Variants in SLC25A15 observed in about 807,000 individuals in gnomAD.
The protein encoded by SLC25A15 is solute carrier family 25 member 15.
SLC25A15 carries 24 observed loss-of-function variants against 32.3 expected under a neutral mutation model. The ratio of observed to expected loss-of-function variants is 0.74; its 90% CI spans 0.54 to 1.04. The LOEUF (loss-of-function observed/expected upper bound fraction) is 1.04. Among genes scored for constraint, SLC25A15 ranks in the 50% least tolerant of loss-of-function variants. The pLI is 0.00. For missense variants in SLC25A15, 317 were observed against 374.5 expected, an observed-to-expected ratio of 0.85 and a Z score of 1.27; for synonymous variants, 132 against 142.1, an observed-to-expected ratio of 0.93 and a Z score of 0.51.
At chr13:40,802,720 G>A (rs1164796190) in intron 3 of SLC25A15, among the ~76,000 whole-genome samples, 14 of 151,806 alleles carry the variant, frequency 9.2e-5, no homozygotes, top group Admixed American at 3.3e-4. Context: ...GACTACAGGC[G>A]CCCACCACCA....
chr13:40,805,181 C>CA lies in SLC25A15; in HGVS notation c.379dup (p.Thr127AsnfsTer13), dbSNP rs758438178. Reference sequence around the variant, plus strand: ...CCTTTGCTGCACTGGTGCTCTGCCCCACGGAGCTCGTGAAGTGCCGGCTGC... The same window carrying CA: ...CCTTTGCTGCACTGGTGCTCTGCCCCAACGGAGCTCGTGAAGTGCCGGCTGC... On this transcript the variant is annotated frameshift_variant, in exon 4 of 7. Coordinates refer to ENST00000338625, the MANE Select transcript of SLC25A15 (RefSeq NM_014252.4). LOFTEE classifies it high-confidence loss of function. 1 of 1,614,176 alleles carries CA rather than the reference C, an allele frequency of 6.2e-7. No homozygotes were observed. The highest frequency in any genetic ancestry group is 1.1e-5 in the South Asian group (1 of 91,076).
intron 3 of SLC25A15, among the ~76,000 whole-genome samples, chr13:40,800,587 G>A (rs774579214): frequency 1.3e-5 from 2 of 152,212 alleles, no homozygotes; most frequent in African/African-American, 4.8e-5. Context: ...AAGCAGCCAC[G>A]TGAGATTCTG....
At chr13:40,800,970 C>T (rs576733976) in intron 3 of SLC25A15, among the ~76,000 whole-genome samples, 2 of 152,142 alleles carry the variant, frequency 1.3e-5, no homozygotes, top group Admixed American at 6.5e-5. Flanking sequence ...CAGTGGCTCA[C>T]GCCTGTAGTC....
chr13:40,811,340 T>A lies in SLC25A15; in HGVS notation c.*1673T>A, dbSNP rs1287514616. 1.3e-5 allele frequency among the ~76,000 whole-genome samples: 2 copies of A among 151,922 alleles called. No individual in the cohort carries two copies. The highest frequency in any genetic ancestry group is 2.9e-5 in the Non-Finnish European group (2 of 67,968). ...CCCATCTCTACTAAAAATACAAAAATTAGCTGGGCGTGGTGGCACGTGCCT... is the reference window on the plus strand; with the variant it reads ...CCCATCTCTACTAAAAATACAAAAAATAGCTGGGCGTGGTGGCACGTGCCT... On this transcript the variant is annotated 3_prime_UTR_variant, in exon 7 of 7. Coordinates refer to ENST00000338625, the MANE Select transcript of SLC25A15 (RefSeq NM_014252.4).
intron 2 of SLC25A15, among the ~76,000 whole-genome samples, chr13:40,795,861 C>T (rs1881653746): frequency 6.6e-6 from 1 of 152,112 alleles, no homozygotes; most frequent in African/African-American, 2.4e-5. Context: ...AGAAAAAGGC[C>T]CACAGAGGAG....
At chr13:40,796,745 C>T (rs1253593143) in intron 2 of SLC25A15, among the ~76,000 whole-genome samples, 1 of 152,040 alleles carries the variant, frequency 6.6e-6, no homozygotes, top group African/African-American at 2.4e-5. Context: ...CACCTCTCTG[C>T]CTTCTTCAGA....
intron 1 of SLC25A15, among the ~76,000 whole-genome samples, chr13:40,791,136 G>A (rs1881476918): frequency 6.6e-6 from 1 of 151,746 alleles, no homozygotes; most frequent in Non-Finnish European, 1.5e-5. Context: ...CCTTTGGCCA[G>A]GTTGAAATAC....
intron 2 of SLC25A15, chr13:40,798,810 G>T (rs1330408594): frequency 1.0e-6 from 1 of 983,680 alleles, no homozygotes; most frequent in Non-Finnish European, 1.2e-6. Context: ...ACTGTTTGCC[G>T]CTGTTGAACA....
rs1462983378 is a variant in SLC25A15, at chr13:40,810,668, T to C, written c.*1001T>C. ...AGGTGGGATCATATTCCACGCTGACTATATTGCTAGGGGTGGCCCAGAGGG... is the reference window on the plus strand; with the variant it reads ...AGGTGGGATCATATTCCACGCTGACCATATTGCTAGGGGTGGCCCAGAGGG... On this transcript the variant is annotated 3_prime_UTR_variant, in exon 7 of 7. Transcript: ENST00000338625. The C allele has an allele frequency of 4.0e-6, 2 of 497,994 alleles. No individual in the cohort carries two copies. Among genetic ancestry groups the C allele is most frequent in the African/African-American group, 4.0e-5 (2 of 50,378 alleles). 30.8% of individuals were successfully genotyped at this position (497,994 alleles called of 1,614,324 possible). A position where few individuals can be genotyped will look rare whatever the true frequency, so the allele number is the denominator to read the frequency against.
In SLC25A15 at chr13:40,810,305, C is replaced by T. The variant is rs1352020056; in HGVS notation, c.*638C>T. Among the ~76,000 whole-genome samples the T allele has an allele frequency of 3.3e-5, 5 of 152,070 alleles. No individual in the cohort carries two copies. The highest frequency in any genetic ancestry group is 7.2e-5 in the African/African-American group (3 of 41,392). On this transcript the variant is annotated 3_prime_UTR_variant, in exon 7 of 7. Coordinates refer to ENST00000338625, the MANE Select transcript of SLC25A15 (RefSeq NM_014252.4). ...TCCTGAGTAGCTGGGATTACAGGTA[C>T]GCGCCACCATGTCCAGCTAATTTTT...
chr13:40,792,856 T>C (rs1881559048), intron 1 of SLC25A15, among the ~76,000 whole-genome samples: 1 of 152,246 alleles, frequency 6.6e-6, no homozygotes, highest in Non-Finnish European at 1.5e-5. Context: ...AAAACAAGTC[T>C]GATGCGGTTT....
At chr13:40,797,574 G>A (rs892441109) in intron 2 of SLC25A15, among the ~76,000 whole-genome samples, 7 of 152,080 alleles carry the variant, frequency 4.6e-5, no homozygotes, top group African/African-American at 1.7e-4. Flanking sequence ...AATTAAAGGC[G>A]GAAGTGTGTC....
chr13:40,795,653 T>G (rs760919277), intron 2 of SLC25A15, among the ~76,000 whole-genome samples: 3 of 150,340 alleles, frequency 2.0e-5, no homozygotes, highest in Non-Finnish European at 3.0e-5. Context: ...GGGGACAGGA[T>G]AGGGAGGGGG....
chr13:40,791,022 T>C (rs1881466099), intron 1 of SLC25A15, among the ~76,000 whole-genome samples: 2 of 152,016 alleles, frequency 1.3e-5, no homozygotes, highest in African/African-American at 4.8e-5. Context: ...AATAAGCGCA[T>C]TGAGGTTTAT....
Position 40,799,379 on chromosome 13 carries a change from G to C in SLC25A15, c.314+64G>C, listed in dbSNP as rs925524691. The C allele has an allele frequency of 1.1e-5, 18 of 1,598,784 alleles. No homozygotes were observed. In the African/African-American group the frequency reaches 2.1e-4, roughly 19 times the overall value. On this transcript the variant is annotated intron_variant, in intron 3 of 6. Coordinates refer to ENST00000338625, the MANE Select transcript of SLC25A15 (RefSeq NM_014252.4). ...AAACCCCACAAAACTGGCAAGACAT[G>C]GTGGCTCATGCCTGTAATCCCAGCA...
chr13:40,792,541 C>T (rs1356174345), intron 1 of SLC25A15, among the ~76,000 whole-genome samples: 2 of 152,222 alleles, frequency 1.3e-5, no homozygotes, highest in Non-Finnish European at 2.9e-5. Context: ...GATGCTTGTG[C>T]ACGGTGTGGC....
intron 1 of SLC25A15, among the ~76,000 whole-genome samples, chr13:40,790,048 G>T (rs571049007): frequency 3.9e-5 from 6 of 152,326 alleles, no homozygotes; most frequent in Admixed American, 1.3e-4. Context: ...AAAGTTGGAA[G>T]TCGTCTCCCT....
rs777568380 is a variant in SLC25A15, at chr13:40,805,231, C to G, written c.428C>G (p.Ser143Ter). ...RLQTMYEMET[S>*]GKIAKSQNTV... ...CAGACCATGTATGAGATGGAGACAT[C>G]AGGGAAGATAGCCAAGAGCCAGAAG... Residue 143 changes from serine (S) to a stop codon, truncating the protein, a stop_gained, in exon 4 of 7, where the codon TCA becomes TGA. Transcript: ENST00000338625. LOFTEE classifies it high-confidence loss of function. 2 of 1,614,194 alleles carry G rather than the reference C, an allele frequency of 1.2e-6. No homozygotes were observed. The highest frequency in any genetic ancestry group is 1.1e-5 in the South Asian group (1 of 91,086).
intron 5 of SLC25A15, 99 bp from the exon 6 acceptor site, chr13:40,808,339 A>G: frequency 9.8e-7 from 1 of 1,019,878 alleles, no homozygotes; most frequent in South Asian, 1.3e-5. Flanking sequence ...TAGCATTTTT[A>G]TTTTCATCTA....
Sources: allele counts gnomAD v4.1 joint callset (sites outside exome capture counted in the v4.1 genomes callset), GRCh38; gene constraint gnomAD v4.1.1; transcripts MANE v1.5; gene names NCBI Gene and HGNC (gene_info 2026-07-23, HGNC 2026-07-21).